Variants in KLKB1 observed in about 807,000 individuals in gnomAD.
KLKB1 encodes kallikrein B1.
A neutral mutation model predicts 73.6 loss-of-function variants in KLKB1; 58 were observed. The ratio of observed to expected loss-of-function variants is 0.79; its 90% CI spans 0.64 to 0.98. The LOEUF (loss-of-function observed/expected upper bound fraction) is 0.98. Among genes scored for constraint, KLKB1 ranks in the 50% least tolerant of loss-of-function variants. The pLI is 0.00. For missense variants in KLKB1, 737 were observed against 763.8 expected (o/e 0.96, Z 0.41); for synonymous variants, 280 against 258.1 (o/e 1.08, Z -0.81).
At chr4:186,215,597 T>C (rs1336485019) in intron 2 of KLKB1, among the ~76,000 whole-genome samples, 5 of 151,910 alleles carry the variant, frequency 3.3e-5, no homozygotes, top group Admixed American at 3.3e-4. Flanking sequence ...ATCTATCTAT[T>C]TTTTGAGACA....
rs1352368344 is a variant in KLKB1 at position 186,232,143 on chromosome 4, C to G, written c.75C>G (p.Leu25=). 5 of 1,612,524 alleles carry G rather than the reference C, an allele frequency of 3.1e-6. No individual in the cohort carries two copies. The highest frequency in any genetic ancestry group is 2.2e-5 in the East Asian group (1 of 44,852). Reference sequence around the variant, plus strand: ...CTGTCACAGGATGTCTGACTCAACTCTATGAAAACGCCTTCTTCAGAGGTG... The same window carrying G: ...CTGTCACAGGATGTCTGACTCAACTGTATGAAAACGCCTTCTTCAGAGGTG... ...ATVSCGCLTQ[L]YENAFFRGGD... Residue 25 remains leucine, a synonymous_variant, in exon 3 of 15, where the codon CTC becomes CTG. Transcript: ENST00000264690.
chr4:186,217,687 G>A (rs1447872444), intron 2 of KLKB1, among the ~76,000 whole-genome samples: 3 of 152,184 alleles, frequency 2.0e-5, no homozygotes, highest in African/African-American at 7.2e-5. Flanking sequence ...AGAATCAGTT[G>A]TTTTGTGTGG....
intron 6 of KLKB1, among the ~76,000 whole-genome samples, chr4:186,246,510 G>C (rs917970030): frequency 2.0e-5 from 3 of 152,208 alleles, no homozygotes; most frequent in African/African-American, 7.2e-5. Context: ...CCGTTTTCTG[G>C]CTATTTGGAA....
chr4:186,240,744 C>T (rs948400192), intron 6 of KLKB1, among the ~76,000 whole-genome samples: 2 of 152,166 alleles, frequency 1.3e-5, no homozygotes, highest in Non-Finnish European at 2.9e-5. Flanking sequence ...CACACCTTCT[C>T]CATGGTGTGT....
At chr4:186,257,140 GAAT>G (rs1739043513) in intron 13 of KLKB1, 83 bp from the exon 14 acceptor site, 10 of 710,194 alleles carry the variant, frequency 1.4e-5, no homozygotes, top group South Asian at 4.8e-5. Flanking sequence ...TTTATTGTGG[GAAT>G]AATAATATTC....
intron 5 of KLKB1, among the ~76,000 whole-genome samples, chr4:186,237,269 T>G (rs1366909657): frequency 6.6e-6 from 1 of 152,102 alleles, no homozygotes; most frequent in Non-Finnish European, 1.5e-5. Flanking sequence ...TGGCTAATTT[T>G]TGTATTTTTA....
chr4:186,252,869 G>A (rs1161750546), intron 11 of KLKB1, among the ~76,000 whole-genome samples: 1 of 152,210 alleles, frequency 6.6e-6, no homozygotes, highest in Non-Finnish European at 1.5e-5. Flanking sequence ...TTAAAAGTGA[G>A]AGTTTCGTAC....
At position 186,251,731 on chromosome 4, in the gene KLKB1, A is replaced by AG; in HGVS notation, c.1032-18_1032-17insG. 6.2e-7 allele frequency: 1 copy of AG among 1,605,218 alleles called. No homozygotes were observed. Among genetic ancestry groups the AG allele is most frequent in the East Asian group, 2.2e-5 (1 of 44,850 alleles). ...CCCCCTGTGAAGGCTTACTCTTTCT[A>AG]CTGTTCATTTCATCTAGGTGTAAGT... On this transcript the variant is annotated splice_polypyrimidine_tract_variant and intron_variant, in intron 9 of 14. Coordinates refer to ENST00000264690, the MANE Select transcript of KLKB1 (RefSeq NM_000892.5).
Position 186,252,061 on chromosome 4 carries a change from T to G in KLKB1, c.1189T>G (p.Ser397Ala), listed in dbSNP as rs371482413. ...CACACGCATTGTTGGAGGAACAAAC[T>G]CTTCTTGGGGAGAGTGGCCCTGGCA... ...TSTRIVGGTN[S>A]SWGEWPWQVS... Residue 397 changes from serine to alanine, a missense_variant, in exon 11 of 15, where the codon TCT becomes GCT. Physicochemically the swap from Ser to Ala is moderately conservative, Grantham distance 99. Transcript: ENST00000264690. The G allele has an allele frequency of 5.0e-6, 8 of 1,614,118 alleles. No individual in the cohort carries two copies. Among genetic ancestry groups the G allele is most frequent in the East Asian group, 4.5e-5 (2 of 44,882 alleles).
At chr4:186,221,536 T>C (rs549882511), upstream of KLKB1, among the ~76,000 whole-genome samples, 2 of 152,322 alleles carry the variant, frequency 1.3e-5, no homozygotes, top group Admixed American at 1.3e-4. Flanking sequence ...ATTTTCCTTT[T>C]GATTTCTTCT....
chr4:186,235,982 C>G (rs1006640576), intron 4 of KLKB1, among the ~76,000 whole-genome samples: 8 of 151,654 alleles, frequency 5.3e-5, no homozygotes, highest in African/African-American at 1.7e-4. Flanking sequence ...GGCGTGGTGG[C>G]GCGCGCCTGT....
intron 2 of KLKB1, among the ~76,000 whole-genome samples, chr4:186,229,651 A>G (rs1353433508): frequency 6.6e-6 from 1 of 152,168 alleles, no homozygotes; most frequent in East Asian, 1.9e-4. Flanking sequence ...AGTTTACTCC[A>G]TAGTTGACTT....
intron 6 of KLKB1, among the ~76,000 whole-genome samples, chr4:186,246,237 G>C (rs1738340688): frequency 6.6e-6 from 1 of 151,968 alleles, no homozygotes; most frequent in African/African-American, 2.4e-5. Flanking sequence ...TGGGGAGGAG[G>C]GGAGAGGTCA....
intron 6 of KLKB1, among the ~76,000 whole-genome samples, chr4:186,248,180 G>A (rs1237797981): frequency 3.9e-5 from 6 of 151,946 alleles, no homozygotes; most frequent in East Asian, 1.9e-4. Context: ...CCCAGGAAGC[G>A]GAGCTTGCAG....
upstream of KLKB1, among the ~76,000 whole-genome samples, chr4:186,222,996 T>C (rs1737063881): frequency 6.6e-6 from 1 of 152,310 alleles, no homozygotes; most frequent in South Asian, 2.1e-4. Context: ...GTTCTCATGA[T>C]AGTGAGGGTG....
chr4:186,251,143 A>G (rs753102820), intron 7 of KLKB1, 76 bp from the exon 8 acceptor site: 5 of 936,514 alleles, frequency 5.3e-6, no homozygotes, highest in Non-Finnish European at 8.6e-6. Flanking sequence ...TTTGGGTGTG[A>G]GCTGCTTTTG....
At chr4:186,250,847 C>T (rs909567213) in intron 7 of KLKB1, among the ~76,000 whole-genome samples, 1 of 152,186 alleles carries the variant, frequency 6.6e-6, no homozygotes, top group African/African-American at 2.4e-5. Context: ...TCAGATAACC[C>T]ACCCTCTTCT....
chr4:186,237,898 G>C (rs751277034), intron 5 of KLKB1, among the ~76,000 whole-genome samples: 3 of 151,908 alleles, frequency 2.0e-5, no homozygotes, highest in Non-Finnish European at 2.9e-5. Context: ...TTTTCCTGAA[G>C]CAAAATTTTG....
chr4:186,213,422 G>T (rs1736791401), intron 2 of KLKB1: 1 of 152,210 alleles, frequency 6.6e-6, no homozygotes, highest in Admixed American at 6.5e-5. Flanking sequence ...GGAGATGGCT[G>T]ATTCATAATG....
Sources: allele counts gnomAD v4.1 joint callset (sites outside exome capture counted in the v4.1 genomes callset), GRCh38; gene constraint gnomAD v4.1.1; transcripts MANE v1.5; gene names NCBI Gene and HGNC (gene_info 2026-07-23, HGNC 2026-07-21).